KAZN: variants seen among roughly 807,000 people sequenced by gnomAD.
The protein encoded by KAZN is kazrin.
In KAZN, 40 loss-of-function variants were observed where a neutral mutation model predicts 87.4. The observed-to-expected ratio is 0.46, with a 90% CI of 0.36 to 0.60. KAZN has a LOEUF of 0.60. Among genes scored for constraint, KAZN ranks in the 20% least tolerant of loss-of-function variants. The pLI, the probability that KAZN is intolerant of heterozygous loss-of-function variation, is 0.00. For synonymous variants in KAZN, 466 were observed against 458.3 expected (o/e 1.02, Z -0.22); for missense variants, 898 against 1,073.9 (o/e 0.84, Z 2.29).
rs375608187 is a variant in KAZN at position 14,017,105 on chromosome 1, T to C, written c.91+123349T>C. On this transcript the variant is annotated intron_variant, in intron 1 of 16. Transcript: ENST00000636203. Reference sequence around the variant, plus strand: ...CAAGTAGGACATGCATCTTCCCTTCTTGTTCTCAGTATTAGGTAGCATGTT... The same window carrying C: ...CAAGTAGGACATGCATCTTCCCTTCCTGTTCTCAGTATTAGGTAGCATGTT... 2.0e-5 allele frequency among the ~76,000 whole-genome samples: 3 copies of C among 152,338 alleles called. No homozygotes were observed. The East Asian group carries it at 5.8e-4, about 29-fold the overall frequency.
At chr1:14,534,140 A>T (rs1672357306) in intron 2 of KAZN, among the ~76,000 whole-genome samples, 1 of 152,144 alleles carries the variant, frequency 6.6e-6, no homozygotes, top group Admixed American at 6.5e-5. Flanking sequence ...CCACTCTCCC[A>T]TCCTGAATCT....
chr1:14,777,728 G>A (rs1645221867), intron 1 of KAZN, among the ~76,000 whole-genome samples: 1 of 152,162 alleles, frequency 6.6e-6, no homozygotes, highest in African/African-American at 2.4e-5. Flanking sequence ...CTGCTTGACC[G>A]AGGATACATA....
intron 1 of KAZN, among the ~76,000 whole-genome samples, chr1:14,749,897 T>C (rs1644364836): frequency 6.6e-6 from 1 of 152,174 alleles, no homozygotes; most frequent in South Asian, 2.1e-4. Context: ...ACCTTCCTCA[T>C]GGGCCATTGT....
chr1:14,376,372 C>G (rs1414401324), intron 2 of KAZN, among the ~76,000 whole-genome samples: 1 of 152,094 alleles, frequency 6.6e-6, no homozygotes, highest in Admixed American at 6.5e-5. Flanking sequence ...TATAAGGGGT[C>G]TTCCCTCATA....
intron 1 of KAZN, among the ~76,000 whole-genome samples, chr1:14,102,575 C>T (rs941837570): frequency 2.6e-5 from 4 of 152,174 alleles, no homozygotes; most frequent in Non-Finnish European, 5.9e-5. Flanking sequence ...CTCATGCAGC[C>T]CCTCCTGGTG....
intron 1 of KAZN, among the ~76,000 whole-genome samples, chr1:13,986,105 C>A (rs1409402639): frequency 6.6e-6 from 1 of 152,166 alleles, no homozygotes; most frequent in Non-Finnish European, 1.5e-5. Context: ...TCCAAAGTGA[C>A]TTTATCATTT....
intron 2 of KAZN, among the ~76,000 whole-genome samples, chr1:14,583,529 C>T (rs1174804767): frequency 6.6e-6 from 1 of 152,148 alleles, no homozygotes; most frequent in African/African-American, 2.4e-5. Flanking sequence ...CAGAGCTGGC[C>T]TTTCAGAGGG....
At chr1:14,350,790 G>C (rs1040268844) in intron 2 of KAZN, 2 of 152,350 alleles carry the variant, frequency 1.3e-5, no homozygotes, top group Admixed American at 6.5e-5. Context: ...TCAGCCCATC[G>C]GGAAGCTGGC....
intron 2 of KAZN, among the ~76,000 whole-genome samples, chr1:15,016,790 T>C (rs1426386001): frequency 6.6e-6 from 1 of 152,158 alleles, no homozygotes; most frequent in Non-Finnish European, 1.5e-5. Flanking sequence ...TGCCGGAACA[T>C]TCTTCCTCTC....
At chr1:14,500,616 A>C (rs1670184720) in intron 2 of KAZN, among the ~76,000 whole-genome samples, 1 of 152,000 alleles carries the variant, frequency 6.6e-6, no homozygotes, top group South Asian at 2.1e-4. Flanking sequence ...AAACACATGA[A>C]AGATAGAATA....
chr1:15,083,840 C>T (rs6429707), intron 8 of KAZN, among the ~76,000 whole-genome samples: 2,262 of 152,248 alleles, frequency 0.015, 54 homozygotes, highest in African/African-American at 0.051. Flanking sequence ...CAATCCTTGC[C>T]AATGTTATGT....
At chr1:14,798,220 C>T (rs183585432) in intron 1 of KAZN, among the ~76,000 whole-genome samples, 232 of 152,180 alleles carry the variant, frequency 1.5e-3, no homozygotes, top group Non-Finnish European at 2.0e-3. Context: ...AGTAAAACCA[C>T]GGTGCTATCT....
In KAZN at chr1:14,144,578, C is replaced by A. The variant is rs549823842; in HGVS notation, c.92-35857C>A. On this transcript the variant is annotated intron_variant, in intron 1 of 16. Transcript: ENST00000636203. ...TGCTGGGATTACAGGCATGAGCTAC[C>A]ACACCCGGCCTTGTCTTAGTCCATT... Among the ~76,000 whole-genome samples the A allele has an allele frequency of 1.2e-4, 18 of 152,214 alleles. No homozygotes were observed. In the East Asian group the frequency reaches 3.3e-3, roughly 28 times the overall value.
At chr1:15,089,859 G>A (rs1640453165) in intron 8 of KAZN, among the ~76,000 whole-genome samples, 1 of 151,946 alleles carries the variant, frequency 6.6e-6, no homozygotes, top group Non-Finnish European at 1.5e-5. Flanking sequence ...TGACGTTACT[G>A]GGCAGTGTTC....
At chr1:14,413,015 G>A (rs894232780) in intron 2 of KAZN, among the ~76,000 whole-genome samples, 1 of 147,908 alleles carries the variant, frequency 6.8e-6, no homozygotes, top group Non-Finnish European at 1.5e-5. Flanking sequence ...TATATAATAA[G>A]TTATTTGTAT....
intron 2 of KAZN, among the ~76,000 whole-genome samples, chr1:14,327,577 A>C (rs1209618944): frequency 6.6e-6 from 1 of 152,186 alleles, no homozygotes; most frequent in Non-Finnish European, 1.5e-5. Flanking sequence ...CTAATTATTT[A>C]AGAGCTGTAT....
chr1:14,977,492 C>T (rs544605844), intron 2 of KAZN, among the ~76,000 whole-genome samples: 1 of 152,362 alleles, frequency 6.6e-6, no homozygotes, highest in East Asian at 1.9e-4. Context: ...CCTGTGTCTC[C>T]CTATTATGTG....
At chr1:14,850,936 C>T (rs1208335528) in intron 1 of KAZN, among the ~76,000 whole-genome samples, 1 of 152,170 alleles carries the variant, frequency 6.6e-6, no homozygotes, top group Non-Finnish European at 1.5e-5. Context: ...GGTGTGGTTC[C>T]GAGGGCCTGC....
chr1:14,067,636 C>T (rs907812728), intron 1 of KAZN, among the ~76,000 whole-genome samples: 11 of 152,202 alleles, frequency 7.2e-5, no homozygotes, highest in African/African-American at 1.4e-4. Flanking sequence ...CTGTCTGTCC[C>T]CCCCCATACT....
Sources: gnomAD v4.1 joint callset for allele counts (sites outside exome capture counted in the v4.1 genomes callset) on GRCh38, gnomAD v4.1.1 for gene constraint, MANE v1.5 for transcripts, NCBI Gene and HGNC (gene_info 2026-07-23, HGNC 2026-07-21) for gene names.